ELP1: variants seen among roughly 807,000 people sequenced by gnomAD.
ELP1 encodes elongator complex protein 1.
In ELP1, 131 loss-of-function variants were observed where a neutral mutation model predicts 183.2. The ratio of observed to expected loss-of-function variants is 0.72; its 90% confidence interval spans 0.62 to 0.83. The LOEUF (loss-of-function observed/expected upper bound fraction) is 0.83, where lower values mean the gene tolerates loss of function less well. ELP1 is among the 40% of genes least tolerant of loss of function. The probability of loss-of-function intolerance (pLI) is 0.00; values close to 1 mark genes in which losing one functional copy is unlikely to be tolerated. For synonymous variants in ELP1, 555 were observed against 569.0 expected, an observed-to-expected ratio of 0.98 and a Z score of 0.35; for missense variants, 1,550 against 1,594.9, an observed-to-expected ratio of 0.97 and a Z score of 0.48.
Position 108,869,135 on chromosome 9 carries a change from T to C in ELP1, c.3979A>G (p.Lys1327Glu). The change falls in exon 37 of 37, where the codon AAG becomes GAG. Residue 1327 changes from lysine to glutamate, a missense_variant. By Grantham distance (56) the Lys-to-Glu change is moderately conservative (BLOSUM62 1). Coordinates refer to ENST00000374647, the MANE Select transcript of ELP1 (RefSeq NM_003640.5). ...PPKINRRTQW[K>E]LSLLD ...GTCACTCAGTCTAGCAGGCTCAGCT[T>C]CCACTGGGTTCTTCTGTTGATCTTT... 1 of 1,614,150 alleles carries C rather than the reference T, an allele frequency of 6.2e-7. No homozygotes were observed. Among genetic ancestry groups the C allele is most frequent in the Non-Finnish European group, 8.5e-7 (1 of 1,179,974 alleles).
intron 29 of ELP1, among the ~76,000 whole-genome samples, chr9:108,888,898 T>C (rs560940236): frequency 6.6e-6 from 1 of 152,302 alleles, no homozygotes; most frequent in Admixed American, 6.5e-5. Flanking sequence ...TATGGGTACT[T>C]ATCCTTATAA....
chr9:108,878,791 G>A, intron 33 of ELP1, 41 bp from the exon 34 acceptor site: 2 of 1,610,016 alleles, frequency 1.2e-6, no homozygotes, highest in South Asian at 1.1e-5. Flanking sequence ...CTCCTGAGTA[G>A]CTAGGACTAC....
rs1828702034 is a variant in ELP1 at position 108,899,878 on chromosome 9, T to G, written c.2148A>C (p.Leu716Phe). 3 of 1,613,942 alleles carry G rather than the reference T, an allele frequency of 1.9e-6. No individual in the cohort carries two copies. The African/African-American group carries it at 4.0e-5, about 22-fold the overall frequency. ...CCAGGGCTCGATGATGAACAACTTC[T>G]AAGTTTCCCCTTGGCATCTTAAATA... ...KLVLQMPRGN[L>F]EVVHHRALVL... The change falls in exon 20 of 37, where the codon TTA becomes TTC. Residue 716 changes from leucine to phenylalanine, a missense_variant. By Grantham distance (22) the Leu-to-Phe change is conservative (BLOSUM62 0). Transcript: ENST00000374647.
At chr9:108,878,776 T>C (rs1470324105) in intron 33 of ELP1, 26 bp from the exon 34 acceptor site, 1 of 1,612,708 alleles carries the variant, frequency 6.2e-7, no homozygotes, top group East Asian at 2.2e-5. Context: ...CAGATATTTT[T>C]AAGCCTCCTG....
At chr9:108,905,177 T>C (rs534232264) in intron 14 of ELP1, among the ~76,000 whole-genome samples, 1 of 152,362 alleles carries the variant, frequency 6.6e-6, no homozygotes, top group African/African-American at 2.4e-5. Context: ...AGCAAATGAC[T>C]GCATTAAAAT....
rs1451932418 is a variant in ELP1, at chr9:108,927,423, T to C, written c.334A>G (p.Ile112Val). 1.9e-6 allele frequency: 3 copies of C among 1,613,776 alleles called. No homozygotes were observed. Among genetic ancestry groups the C allele is most frequent in the Non-Finnish European group, 1.7e-6 (2 of 1,179,852 alleles). The change falls in exon 4 of 37, where the codon ATC becomes GTC. Residue 112 changes from isoleucine to valine, a missense_variant. Coordinates refer to ENST00000374647, the MANE Select transcript of ELP1 (RefSeq NM_003640.5). ...LECVGSVASGISVMSWSPDQE... is the reference protein window; with the variant it reads ...LECVGSVASGVSVMSWSPDQE... ...TCAGGACTCCAACTCATAACAGAGA[T>C]ACCACTGGCTACACTCCCAACACAC...
At chr9:108,916,712 A>G (rs989929077) in intron 9 of ELP1, among the ~76,000 whole-genome samples, 12 of 152,204 alleles carry the variant, frequency 7.9e-5, no homozygotes, top group Admixed American at 3.9e-4. Flanking sequence ...TCCAGGAAAT[A>G]AAAATATATG....
At chr9:108,907,630 G>C (rs1444169761) in intron 13 of ELP1, among the ~76,000 whole-genome samples, 1 of 152,092 alleles carries the variant, frequency 6.6e-6, no homozygotes, top group African/African-American at 2.4e-5. Flanking sequence ...AAACAGAATA[G>C]AATCAAACCC....
At position 108,896,935 on chromosome 9, in the gene ELP1, C is replaced by T. The variant is rs1259313015; in HGVS notation, c.2587+18G>A. ...GTCACGGCCACCTTAAGCACTTTCTCTGTGAGCGGATCTCTACCTTGAAGC... is the reference window on the plus strand; with the variant it reads ...GTCACGGCCACCTTAAGCACTTTCTTTGTGAGCGGATCTCTACCTTGAAGC... On this transcript the variant is annotated intron_variant, in intron 24 of 36. Coordinates refer to ENST00000374647, the MANE Select transcript of ELP1 (RefSeq NM_003640.5). 1 of 1,609,638 alleles carries T rather than the reference C, an allele frequency of 6.2e-7. No homozygotes were observed. Among genetic ancestry groups the T allele is most frequent in the Non-Finnish European group, 8.5e-7 (1 of 1,175,942 alleles).
chr9:108,929,625 T>G (rs1237123037), intron 3 of ELP1, 144 bp downstream of exon 3: 1 of 818,922 alleles, frequency 1.2e-6, no homozygotes. Context: ...TGTTAACAAT[T>G]TTTTAAATAA....
chr9:108,910,231 G>A (rs1829162961), intron 12 of ELP1, among the ~76,000 whole-genome samples: 1 of 152,136 alleles, frequency 6.6e-6, no homozygotes, highest in African/African-American at 2.4e-5. Context: ...ACTATAATCA[G>A]AGAAACTGGT....
chr9:108,893,472 T>C (rs1828417508), intron 26 of ELP1, among the ~76,000 whole-genome samples: 1 of 152,168 alleles, frequency 6.6e-6, no homozygotes, highest in Non-Finnish European at 1.5e-5. Context: ...GATTCTTCCT[T>C]TCCCCCATCA....
At chr9:108,876,403 C>A (rs902814451) in intron 35 of ELP1, among the ~76,000 whole-genome samples, 1 of 152,184 alleles carries the variant, frequency 6.6e-6, no homozygotes, top group African/African-American at 2.4e-5. Flanking sequence ...TTTATTTCAA[C>A]GGTTTGTAAA....
intron 34 of ELP1, 94 bp from the exon 35 acceptor site, chr9:108,878,243 T>A (rs1053555749): frequency 9.8e-7 from 1 of 1,023,638 alleles, no homozygotes; most frequent in African/African-American, 1.6e-5. Context: ...AAAATTTCTA[T>A]GATCCCACTG....
intron 6 of ELP1, among the ~76,000 whole-genome samples, chr9:108,920,871 C>T (rs771871514): frequency 4.6e-5 from 7 of 151,968 alleles, no homozygotes; most frequent in Admixed American, 1.3e-4. Context: ...TCCCCCATTA[C>T]CTGGATCATC....
chr9:108,872,943 T>C (rs1350152347), intron 36 of ELP1, among the ~76,000 whole-genome samples: 1 of 152,024 alleles, frequency 6.6e-6, no homozygotes, highest in Admixed American at 6.5e-5. Flanking sequence ...AAGTACAGAC[T>C]TTTGGGCAAG....
At position 108,917,688 on chromosome 9, in the gene ELP1, G is replaced by A. The variant is rs373061197; in HGVS notation, c.741-18C>T. ...CTGAGGGTCTTAAAGCAAACTCAGA[G>A]TGTTACAATATCGAAAGCTCACCTA... On this transcript the variant is annotated intron_variant, in intron 8 of 36. Transcript: ENST00000374647. 1 of 1,611,752 alleles carries A rather than the reference G, an allele frequency of 6.2e-7. No individual in the cohort carries two copies. The highest frequency in any genetic ancestry group is 1.1e-5 in the South Asian group (1 of 91,070).
chr9:108,931,662 C>G (rs181944288), intron 1 of ELP1, among the ~76,000 whole-genome samples: 12 of 152,276 alleles, frequency 7.9e-5, no homozygotes, highest in Admixed American at 7.8e-4. Context: ...CTTTAATATT[C>G]ACCAGGTCTA....
chr9:108,898,204 A>T (rs936074040), intron 22 of ELP1, among the ~76,000 whole-genome samples: 2 of 152,244 alleles, frequency 1.3e-5, no homozygotes, highest in African/African-American at 4.8e-5. Context: ...AAAGATCATC[A>T]GAGAGAAAGA....
Sources: allele counts gnomAD v4.1 joint callset (sites outside exome capture counted in the v4.1 genomes callset), GRCh38; gene constraint gnomAD v4.1.1; transcripts MANE v1.5; gene names NCBI Gene and HGNC (gene_info 2026-07-23, HGNC 2026-07-21).